The following SIGLEC11 variants were observed in gnomAD, a reference collection of about 807,000 sequenced individuals.
The protein encoded by SIGLEC11 is sialic acid binding Ig like lectin 11.
In SIGLEC11, 47 loss-of-function variants were observed where a neutral mutation model predicts 61.2. That is an observed-to-expected ratio of 0.77 (90% CI 0.61 to 0.98). SIGLEC11 has a LOEUF of 0.98. SIGLEC11 is among the 50% of genes least tolerant of loss of function. The pLI is 0.00. For synonymous variants in SIGLEC11, 278 were observed against 373.1 expected (o/e 0.75, Z 2.94); for missense variants, 610 against 870.3 (o/e 0.70, Z 3.76).
chr19:49,954,661 C>T (rs1012292552), intron 8 of SIGLEC11, among the ~76,000 whole-genome samples: 1 of 152,138 alleles, frequency 6.6e-6, no homozygotes, highest in African/African-American at 2.4e-5. Context: ...TGACGCAATC[C>T]GTCTTTCTGA....
intron 8 of SIGLEC11, among the ~76,000 whole-genome samples, chr19:49,956,528 G>A (rs796970578): frequency 2.0e-5 from 3 of 151,962 alleles, no homozygotes; most frequent in Non-Finnish European, 2.9e-5. Flanking sequence ...CAATTAGACC[G>A]TCTTTCTTCC....
At chr19:49,953,463 G>C (rs189871934) in intron 8 of SIGLEC11, among the ~76,000 whole-genome samples, 1 of 152,254 alleles carries the variant, frequency 6.6e-6, no homozygotes, top group Admixed American at 6.5e-5. Flanking sequence ...AGTCGATTAG[G>C]AAAAGGAAAC....
At position 49,955,314 on chromosome 19, in the gene SIGLEC11, C is replaced by CAAA. The variant is rs71180665; in HGVS notation, c.1652-2923_1652-2921dup. Among the ~76,000 whole-genome samples the CAAA allele has an allele frequency of 1.5e-3, 152 of 102,516 alleles. 3 individuals are homozygous for CAAA. The highest frequency in any genetic ancestry group is 5.2e-3 in the Middle Eastern group (1 of 192). 67.3% of individuals were successfully genotyped at this position (102,516 alleles called of 152,430 possible). A position where few individuals can be genotyped will look rare whatever the true frequency, so the allele number is the denominator to read the frequency against. On this transcript the variant is annotated intron_variant, in intron 8 of 10. Coordinates refer to ENST00000447370, the MANE Select transcript of SIGLEC11 (RefSeq NM_052884.3). The surrounding 1 kb of genome is among the most constrained non-coding windows in gnomAD (Gnocchi z 4.5). ...CGGGGACTGGCCCCAGAAAAAAAGCCAAAAAAAAAAAAAAAAAGAAAGGCA... is the reference window on the plus strand; with the variant it reads ...CGGGGACTGGCCCCAGAAAAAAAGCCAAAAAAAAAAAAAAAAAAAAGAAAGGCA...
Position 49,949,371 on chromosome 19 carries a change from C to G in SIGLEC11, c.*599G>C, listed in dbSNP as rs1225552852. On this transcript the variant is annotated 3_prime_UTR_variant, in exon 11 of 11. Transcript: ENST00000447370. Reference sequence around the variant, plus strand: ...TCTTCTGAAGGAAGAGCATGGTCATCAACGGGGAATGGCAGTTGCAGCAAA... The same window carrying G: ...TCTTCTGAAGGAAGAGCATGGTCATGAACGGGGAATGGCAGTTGCAGCAAA... 2 of 151,622 alleles carry G rather than the reference C, an allele frequency of 1.3e-5. No individual in the cohort carries two copies. Among genetic ancestry groups the G allele is most frequent in the African/African-American group, 4.9e-5 (2 of 41,182 alleles). 9.4% of individuals were successfully genotyped at this position (151,622 alleles called of 1,614,324 possible). A position where few individuals can be genotyped will look rare whatever the true frequency, so the allele number is the denominator to read the frequency against.
chr19:49,950,701 C>T (rs1239794642), intron 10 of SIGLEC11, among the ~76,000 whole-genome samples: 1 of 152,262 alleles, frequency 6.6e-6, no homozygotes, highest in Admixed American at 6.5e-5. Flanking sequence ...GAGACACCAC[C>T]CCTGATCTCA....
At chr19:49,954,362 C>T (rs1328146102) in intron 8 of SIGLEC11, among the ~76,000 whole-genome samples, 2 of 152,194 alleles carry the variant, frequency 1.3e-5, no homozygotes, top group South Asian at 2.1e-4. Flanking sequence ...AGTCTGACCC[C>T]GAAGGGAAGG....
Position 49,958,306 on chromosome 19 carries a change from C to T in SIGLEC11, c.1628G>A (p.Gly543Asp), listed in dbSNP as rs766464417. The T allele has an allele frequency of 1.1e-5, 17 of 1,614,068 alleles. No individual in the cohort carries two copies. The highest frequency in any genetic ancestry group is 1.4e-5 in the Non-Finnish European group (16 of 1,180,038). Reference sequence around the variant, plus strand: ...ACCTGGTAGCAGCTGGAAGACAGAGCCACTCTGGGCCCCGTGGACGTTCCA... The same window carrying T: ...ACCTGGTAGCAGCTGGAAGACAGAGTCACTCTGGGCCCCGTGGACGTTCCA... ...KAWNVHGAQS[G>D]SVFQLLPGKL... The change falls in exon 8 of 11, where the codon GGC (glycine) becomes GAC (aspartate). Residue 543 changes from glycine (G) to aspartate (D), a missense_variant. Gly to Asp is a moderately conservative substitution (Grantham distance 94). This residue lies in a region of SIGLEC11 where 432 missense variants were observed against 441.5 expected (regional missense o/e 0.98). Coordinates refer to ENST00000447370, the MANE Select transcript of SIGLEC11 (RefSeq NM_052884.3).
At chr19:49,957,901 G>A (rs1446029888) in intron 8 of SIGLEC11, among the ~76,000 whole-genome samples, 2 of 151,960 alleles carry the variant, frequency 1.3e-5, no homozygotes, top group African/African-American at 4.8e-5. Flanking sequence ...TGAGGCAGGA[G>A]AATTGCTTGA....
Position 49,950,094 on chromosome 19 carries a change from G to T in SIGLEC11, c.1973C>A (p.Ala658Glu), listed in dbSNP as rs201942673. ...GGTGGTGCTGGGGGCCTCCTGGTCC[G>T]CAGGCTCCCAGAGCCTCAGGCCCTG... is the stretch of plus-strand genomic sequence containing the variant. ...SFQGLRLWEP[A>E]DQEAPSTTEY... The change falls in exon 11 of 11, where the codon GCG becomes GAG. Residue 658 changes from alanine to glutamate, a missense_variant. Ala to Glu is a moderately radical substitution (Grantham distance 107). This residue lies in a region of SIGLEC11 where 432 missense variants were observed against 441.5 expected (regional missense o/e 0.98). Coordinates refer to ENST00000447370, the MANE Select transcript of SIGLEC11 (RefSeq NM_052884.3). 6.8e-6 allele frequency: 11 copies of T among 1,610,608 alleles called. No homozygotes were observed. The highest frequency in any genetic ancestry group is 9.3e-6 in the Non-Finnish European group (11 of 1,178,270).
At chr19:49,959,238 G>A in intron 5 of SIGLEC11, 122 bp downstream of exon 5, 1 of 1,494,162 alleles carries the variant, frequency 6.7e-7, no homozygotes, top group Non-Finnish European at 9.0e-7. Flanking sequence ...GGTCTACACA[G>A]GTAAGAAGGT....
intron 8 of SIGLEC11, among the ~76,000 whole-genome samples, chr19:49,953,457 G>A (rs1013299577): frequency 3.3e-5 from 5 of 152,280 alleles, no homozygotes; most frequent in South Asian, 4.1e-4. Flanking sequence ...TTGCTAAGTC[G>A]ATTAGGAAAA....
rs773108527 is a variant in SIGLEC11, at chr19:49,950,170, T to C, written c.1897A>G (p.Thr633Ala). The change falls in exon 11 of 11, where the codon ACC becomes GCC. Residue 633 changes from threonine to alanine, a missense_variant. Physicochemically the swap from Thr to Ala is moderately conservative, Grantham distance 58. Coordinates refer to ENST00000447370, the MANE Select transcript of SIGLEC11 (RefSeq NM_052884.3). ...TCCTGCTCTTCCCCCTTCCCCGGGG[T>C]GTAGGTGGCTGCACCTGGGGGCGGG... ...DHPPPGAATY[T>A]PGKGEEQELH... is the part of the protein sequence containing the mutation. The C allele has an allele frequency of 3.7e-6, 6 of 1,609,076 alleles. No individual in the cohort carries two copies. The highest frequency in any genetic ancestry group is 5.1e-6 in the Non-Finnish European group (6 of 1,178,782).
chr19:49,949,925 C>G lies in SIGLEC11; in HGVS notation c.*45G>C. The G allele has an allele frequency of 1.4e-6, 2 of 1,379,632 alleles. No homozygotes were observed. The highest frequency in any genetic ancestry group is 1.9e-6 in the Non-Finnish European group (2 of 1,056,826). The allele number at this position is 1,379,632 out of a possible 1,614,324, so 85.5% of individuals were successfully genotyped here. A position where few individuals can be genotyped will look rare whatever the true frequency, so the allele number is the denominator to read the frequency against. On this transcript the variant is annotated 3_prime_UTR_variant, in exon 11 of 11. Coordinates refer to ENST00000447370, the MANE Select transcript of SIGLEC11 (RefSeq NM_052884.3). ...TCCAGTTCTGGCCGTCACACCAGTG[C>G]GACTCCCACACACTTGCTGGTGTCC... is the stretch of plus-strand genomic sequence containing the variant.
In SIGLEC11 at chr19:49,949,709, G is replaced by A; in HGVS notation, c.*261C>T. 3.4e-6 allele frequency: 1 copy of A among 295,912 alleles called. No homozygotes were observed. The allele number at this position is 295,912 out of a possible 1,614,324, so 18.3% of individuals were successfully genotyped here. On this transcript the variant is annotated 3_prime_UTR_variant, in exon 11 of 11. Coordinates refer to ENST00000447370, the MANE Select transcript of SIGLEC11 (RefSeq NM_052884.3). ...ATATAACAATGAGCCTGGCATGGTGGCTCACAATTGTAGTCCCAGCTACTT... is the reference window on the plus strand; with the variant it reads ...ATATAACAATGAGCCTGGCATGGTGACTCACAATTGTAGTCCCAGCTACTT...
At position 49,951,439 on chromosome 19, in the gene SIGLEC11, T is replaced by A. The variant is rs956184367; in HGVS notation, c.1830+452A>T. Reference sequence around the variant, plus strand: ...AGCTCTCAGTGAGTCCTGCGAGTCCTAGGGGGTTATCCAACCTCAGAGTGG... The same window carrying A: ...AGCTCTCAGTGAGTCCTGCGAGTCCAAGGGGGTTATCCAACCTCAGAGTGG... On this transcript the variant is annotated intron_variant, in intron 10 of 10. Transcript: ENST00000447370. This position sits in a 1 kb window ranked among gnomAD's most constrained non-coding sequence, Gnocchi z 4.6. Among the ~76,000 whole-genome samples, 1 of 152,136 alleles carries A rather than the reference T, an allele frequency of 6.6e-6. No individual in the cohort carries two copies. Among genetic ancestry groups the A allele is most frequent in the African/African-American group, 2.4e-5 (1 of 41,430 alleles).
chr19:49,961,140 G>A lies in SIGLEC11; in HGVS notation c.-59C>T, dbSNP rs2076245153. 6.6e-7 allele frequency: 1 copy of A among 1,512,864 alleles called. No individual in the cohort carries two copies. Among genetic ancestry groups the A allele is most frequent in the East Asian group, 2.4e-5 (1 of 40,854 alleles). The allele number at this position is 1,512,864 out of a possible 1,614,324, so 93.7% of individuals were successfully genotyped here. A position where few individuals can be genotyped will look rare whatever the true frequency, so the allele number is the denominator to read the frequency against. On this transcript the variant is annotated 5_prime_UTR_variant, in exon 1 of 11. Coordinates refer to ENST00000447370, the MANE Select transcript of SIGLEC11 (RefSeq NM_052884.3). The stretch of plus-strand genomic sequence containing the variant: ...CTCCTCCAGCAGGAAGCCTGGTGGA[G>A]GGGCAGTGACCATCCACAGAGGAGG...
intron 8 of SIGLEC11, among the ~76,000 whole-genome samples, chr19:49,956,834 A>C (rs1444542734): frequency 1.3e-5 from 2 of 152,172 alleles, no homozygotes; most frequent in Non-Finnish European, 2.9e-5. Context: ...CACAAAAATG[A>C]AGAATGTTAT....
intron 8 of SIGLEC11, among the ~76,000 whole-genome samples, chr19:49,956,221 A>G (rs1276828613): frequency 2.6e-5 from 4 of 152,344 alleles, no homozygotes; most frequent in Admixed American, 1.3e-4. Flanking sequence ...AACTTCTATT[A>G]TCAGGAAATA....
Position 49,959,072 on chromosome 19 carries a change from G to A in SIGLEC11, c.1063C>T (p.Pro355Ser). 1 of 1,613,864 alleles carries A rather than the reference G, an allele frequency of 6.2e-7. No homozygotes were observed. The highest frequency in any genetic ancestry group is 8.5e-7 in the Non-Finnish European group (1 of 1,179,828). ...GAAACCATCACTCTCAGGTTCTCTG[G>A]AGGATCTGAAATGGAGACAGGGGAC... is the stretch of plus-strand genomic sequence containing the variant. ...QALDLSVQYP[P>S]ENLRVMVSQA... Residue 355 changes from proline (P) to serine (S), a missense_variant, in exon 6 of 11, where the codon CCA becomes TCA. Physicochemically the swap from Pro to Ser is moderately conservative, Grantham distance 74. Coordinates refer to ENST00000447370, the MANE Select transcript of SIGLEC11 (RefSeq NM_052884.3).
Sources: allele counts gnomAD v4.1 joint callset (sites outside exome capture counted in the v4.1 genomes callset), GRCh38; gene constraint gnomAD v4.1.1; regional missense constraint gnomAD v4.1.1; non-coding constraint Gnocchi (gnomAD v3.1); transcripts MANE v1.5; gene names NCBI Gene and HGNC (gene_info 2026-07-23, HGNC 2026-07-21).